Variants in CACNG7 observed in about 807,000 individuals in gnomAD.
The protein encoded by CACNG7 is calcium voltage-gated channel auxiliary subunit gamma 7.
In CACNG7, 9 loss-of-function variants were observed where a neutral mutation model predicts 26.3. The ratio of observed to expected loss-of-function variants is 0.34; its 90% CI spans 0.21 to 0.60. The LOEUF (loss-of-function observed/expected upper bound fraction) is 0.60, where lower values mean the gene tolerates loss of function less well. Among genes scored for constraint, CACNG7 ranks in the 20% least tolerant of loss-of-function variants. The probability of loss-of-function intolerance (pLI) is 0.81; values close to 1 mark genes in which losing one functional copy is unlikely to be tolerated. For missense variants in CACNG7, 297 were observed against 380.4 expected, an observed-to-expected ratio of 0.78 and a Z score of 1.82; for synonymous variants, 170 against 157.0, an observed-to-expected ratio of 1.08 and a Z score of -0.62.
chr19:53,914,964 T>G (rs2145898050), intron 3 of CACNG7, among the ~76,000 whole-genome samples: 2 of 148,518 alleles, frequency 1.3e-5, no homozygotes, highest in East Asian at 3.9e-4. Flanking sequence ...ATTTCACCAC[T>G]GCACTCCAGC....
At chr19:53,927,000 A>T (rs887336913) in intron 4 of CACNG7, among the ~76,000 whole-genome samples, 2 of 151,876 alleles carry the variant, frequency 1.3e-5, no homozygotes, top group African/African-American at 4.8e-5. Context: ...TTGCTTTGTC[A>T]CCCAGGCTGG....
intron 4 of CACNG7, among the ~76,000 whole-genome samples, chr19:53,930,589 G>T (rs760389049): frequency 3.3e-5 from 5 of 152,066 alleles, no homozygotes; most frequent in African/African-American, 1.2e-4. Context: ...TAGCCAGGAT[G>T]GTCTTGAACT....
In CACNG7 at chr19:53,921,685, C is replaced by G. The variant is rs500175; in HGVS notation, c.424+6180C>G. Among the ~76,000 whole-genome samples the G allele has an allele frequency of 2.1e-3, 135 of 64,878 alleles. 3 individuals are homozygous for G. The highest frequency in any genetic ancestry group is 8.0e-3 in the African/African-American group (62 of 7,710). 42.6% of individuals were successfully genotyped at this position (64,878 alleles called of 152,430 possible). A position where few individuals can be genotyped will look rare whatever the true frequency, so the allele number is the denominator to read the frequency against. ...TGCCCCAGGTCTGGTCATTGGTGGA[C>G]TTGCCCCAGGTCTGGTCATTGGTGG... On this transcript the variant is annotated intron_variant, in intron 4 of 5. Transcript: ENST00000391767.
intron 4 of CACNG7, among the ~76,000 whole-genome samples, chr19:53,926,110 T>G (rs545373797): frequency 5.3e-5 from 8 of 152,226 alleles, no homozygotes; most frequent in African/African-American, 1.7e-4. Context: ...GTAGCCCATG[T>G]GCACTCACTC....
At chr19:53,927,529 A>G (rs1391733651) in intron 4 of CACNG7, among the ~76,000 whole-genome samples, 1 of 152,116 alleles carries the variant, frequency 6.6e-6, no homozygotes, top group African/African-American at 2.4e-5. Flanking sequence ...ACAGCATGCG[A>G]TAAGGTCCTA....
intron 2 of CACNG7, among the ~76,000 whole-genome samples, 168 bp downstream of exon 2, chr19:53,913,195 T>A (rs1328507317): frequency 6.6e-6 from 1 of 152,084 alleles, no homozygotes; most frequent in Non-Finnish European, 1.5e-5. Context: ...CCTTTATTCC[T>A]GGATCTAGGA....
chr19:53,941,718 T>G, intron 5 of CACNG7, 103 bp downstream of exon 5: 1 of 1,400,040 alleles, frequency 7.1e-7, no homozygotes, highest in Non-Finnish European at 9.8e-7. Flanking sequence ...ATGCAGACTC[T>G]GGCGTCAGAG....
chr19:53,925,644 T>C (rs2069024449), intron 4 of CACNG7, among the ~76,000 whole-genome samples: 1 of 152,186 alleles, frequency 6.6e-6, no homozygotes. Context: ...GGCATTCAAT[T>C]GTGGAGAAAC....
chr19:53,931,334 A>G (rs973277996), intron 4 of CACNG7, among the ~76,000 whole-genome samples: 4 of 152,102 alleles, frequency 2.6e-5, no homozygotes, highest in African/African-American at 9.7e-5. Context: ...AATGTCTTTT[A>G]TAACTCTTTC....
intron 1 of CACNG7, among the ~76,000 whole-genome samples, chr19:53,911,718 A>G (rs1030739996): frequency 2.0e-5 from 3 of 152,200 alleles, no homozygotes; most frequent in Non-Finnish European, 4.4e-5. Context: ...GGGCTGCGAG[A>G]GGACCAGGCA....
intron 4 of CACNG7, among the ~76,000 whole-genome samples, chr19:53,930,354 G>A (rs1376954124): frequency 2.6e-5 from 4 of 151,690 alleles, no homozygotes; most frequent in African/African-American, 4.8e-5. Context: ...GACTACAGGC[G>A]GGCACCACTA....
intron 4 of CACNG7, among the ~76,000 whole-genome samples, chr19:53,917,979 T>C (rs1422796584): frequency 1.3e-5 from 2 of 152,172 alleles, no homozygotes; most frequent in Non-Finnish European, 2.9e-5. Context: ...GTCACGTCTC[T>C]AGGGTAACAA....
At chr19:53,916,266 T>C (rs561371726) in intron 4 of CACNG7, among the ~76,000 whole-genome samples, 11 of 152,296 alleles carry the variant, frequency 7.2e-5, no homozygotes, top group African/African-American at 2.6e-4. Context: ...AAGCCTCTTT[T>C]GCATATGTGA....
chr19:53,922,863 C>T (rs1251078238), intron 4 of CACNG7, among the ~76,000 whole-genome samples: 1 of 72,004 alleles, frequency 1.4e-5, no homozygotes, highest in East Asian at 3.2e-4. Context: ...CAGGTCTGGT[C>T]ATTGGTGGAG....
At chr19:53,926,648 C>T (rs1352375225) in intron 4 of CACNG7, among the ~76,000 whole-genome samples, 2 of 152,264 alleles carry the variant, frequency 1.3e-5, no homozygotes, top group East Asian at 1.9e-4. Context: ...TGCGGTGGCT[C>T]ATGCCTGTAA....
chr19:53,933,886 T>G (rs1376266671), intron 4 of CACNG7, among the ~76,000 whole-genome samples: 6 of 152,096 alleles, frequency 3.9e-5, no homozygotes, highest in Admixed American at 2.6e-4. Context: ...GTTTATTGTT[T>G]AATTTTTATT....
chr19:53,942,542 G>A lies in CACNG7; in HGVS notation c.*249G>A, dbSNP rs931021457. 16 of 1,377,658 alleles carry A rather than the reference G, an allele frequency of 1.2e-5. No homozygotes were observed. Among genetic ancestry groups the A allele is most frequent in the East Asian group, 1.1e-4 (4 of 36,764 alleles). 85.3% of individuals were successfully genotyped at this position (1,377,658 alleles called of 1,614,324 possible). A position where few individuals can be genotyped will look rare whatever the true frequency, so the allele number is the denominator to read the frequency against. ...CACTCCCAAATGACTCCTCCCCTTC[G>A]TTGGCCCGCCCCTTTCCTCTGGCCC... On this transcript the variant is annotated 3_prime_UTR_variant, in exon 6 of 6. Transcript: ENST00000391767. The surrounding 1 kb of genome is among the most constrained non-coding windows in gnomAD (Gnocchi z 5.9).
At chr19:53,926,493 A>T (rs1365758977) in intron 4 of CACNG7, among the ~76,000 whole-genome samples, 4 of 152,136 alleles carry the variant, frequency 2.6e-5, no homozygotes, top group Non-Finnish European at 5.9e-5. Context: ...CTCTGACAAC[A>T]GTACCTAGTA....
intron 4 of CACNG7, among the ~76,000 whole-genome samples, chr19:53,926,084 CAATT>C (rs1164990919): frequency 6.6e-6 from 1 of 152,176 alleles, no homozygotes; most frequent in South Asian, 2.1e-4. Flanking sequence ...ACAGAAAACA[CAATT>C]AAATCTCATG....
Sources: gnomAD v4.1 joint callset for allele counts (sites outside exome capture counted in the v4.1 genomes callset) on GRCh38, gnomAD v4.1.1 for gene constraint, Gnocchi (gnomAD v3.1) non-coding constraint, MANE v1.5 for transcripts, NCBI Gene and HGNC (gene_info 2026-07-23, HGNC 2026-07-21) for gene names.